The following RAD51B variants were observed in gnomAD, a reference collection of about 807,000 sequenced individuals.
RAD51B encodes the protein RAD51 paralog B.
Under a neutral mutation model 42.2 loss-of-function variants are expected in RAD51B, and 38 were observed. The ratio of observed to expected loss-of-function variants is 0.90; its 90% CI spans 0.70 to 1.18. RAD51B has a LOEUF of 1.18. Among genes scored for constraint, RAD51B ranks in the 50% most tolerant of loss-of-function variants. The pLI is 0.00. For missense variants in RAD51B, 373 were observed against 400.7 expected (o/e 0.93, Z 0.59); for synonymous variants, 154 against 145.2 (o/e 1.06, Z -0.43).
At chr14:67,875,193 C>G (rs886781462) in intron 5 of RAD51B, among the ~76,000 whole-genome samples, 1 of 152,054 alleles carries the variant, frequency 6.6e-6, no homozygotes, top group African/African-American at 2.4e-5. Context: ...ATTGGGAAGA[C>G]AATTAGTCCA....
At chr14:68,014,322 T>A (rs969451664) in intron 7 of RAD51B, among the ~76,000 whole-genome samples, 5 of 152,070 alleles carry the variant, frequency 3.3e-5, no homozygotes, top group African/African-American at 9.7e-5. Context: ...TATCAGTCTC[T>A]GAGCAAGTTG....
intron 8 of RAD51B, among the ~76,000 whole-genome samples, chr14:68,314,621 T>G (rs1349819616): frequency 6.6e-6 from 1 of 152,188 alleles, no homozygotes; most frequent in African/African-American, 2.4e-5. Flanking sequence ...ATGGTGCCAC[T>G]TCATTTCACA....
At position 67,848,140 on chromosome 14, in the gene RAD51B, C is replaced by T. The variant is rs147755014; in HGVS notation, c.315+12944C>T. On this transcript the variant is annotated intron_variant, in intron 4 of 10. Coordinates refer to ENST00000471583, the MANE Select transcript of RAD51B (RefSeq NM_133510.4). ...TCAAGTGATTCTTCTGCCTCAGCCT[C>T]CCGAGTAGCTGGGATTACAGGCACG... 6.3e-3 allele frequency among the ~76,000 whole-genome samples: 955 copies of T among 152,314 alleles called. 10 individuals carry two copies. The highest frequency in any genetic ancestry group is 0.022 in the African/African-American group (904 of 41,562).
chr14:67,951,424 T>C (rs2074444229), intron 7 of RAD51B, among the ~76,000 whole-genome samples: 1 of 152,210 alleles, frequency 6.6e-6, no homozygotes, highest in South Asian at 2.1e-4. Context: ...CATTAAATGG[T>C]TTATTAACCA....
chr14:68,391,134 T>TTTTCTTTC (rs1388376049), intron 8 of RAD51B, among the ~76,000 whole-genome samples: 4 of 109,080 alleles, frequency 3.7e-5, no homozygotes, highest in African/African-American at 1.2e-4. Flanking sequence ...TTTATGAGAC[T>TTTTCTTTC]TGTCTTTCTT....
intron 8 of RAD51B, among the ~76,000 whole-genome samples, chr14:68,325,097 A>C (rs1318561409): frequency 1.3e-5 from 2 of 152,172 alleles, no homozygotes; most frequent in Admixed American, 1.3e-4. Context: ...ACCTGGGTCT[A>C]ATGCTGCCTC....
At chr14:68,233,784 G>A (rs761793320) in intron 7 of RAD51B, among the ~76,000 whole-genome samples, 3 of 152,178 alleles carry the variant, frequency 2.0e-5, no homozygotes, top group Non-Finnish European at 4.4e-5. Flanking sequence ...ATGTGGAAAT[G>A]CAAAGAGGTG....
At chr14:68,364,033 G>T (rs1176912313) in intron 8 of RAD51B, among the ~76,000 whole-genome samples, 1 of 152,228 alleles carries the variant, frequency 6.6e-6, no homozygotes, top group African/African-American at 2.4e-5. Flanking sequence ...CTCCAGTGCG[G>T]GGAGTGTGTG....
At chr14:68,483,815 A>C (rs1025141854) in intron 10 of RAD51B, among the ~76,000 whole-genome samples, 2 of 152,222 alleles carry the variant, frequency 1.3e-5, no homozygotes, top group Non-Finnish European at 2.9e-5. Flanking sequence ...AAAGCTGAGG[A>C]CATAAGAGAT....
intron 8 of RAD51B, among the ~76,000 whole-genome samples, chr14:68,342,519 G>A (rs2082591832): frequency 6.6e-6 from 1 of 152,066 alleles, no homozygotes; most frequent in Non-Finnish European, 1.5e-5. Context: ...ACCCAGTTTT[G>A]GGGAAGCTCA....
chr14:68,132,387 A>G (rs1486339312), intron 7 of RAD51B, among the ~76,000 whole-genome samples: 1 of 152,220 alleles, frequency 6.6e-6, no homozygotes, highest in Non-Finnish European at 1.5e-5. Context: ...GAGCCTTGGT[A>G]AGGATGTAAG....
intron 2 of RAD51B, 107 bp from the exon 3 acceptor site, chr14:67,825,357 A>G (rs771814575): frequency 1.5e-5 from 10 of 667,006 alleles, no homozygotes; most frequent in Non-Finnish European, 2.5e-5. Context: ...GATCTGCGAT[A>G]AATTATACTT....
chr14:67,830,192 G>A (rs2040985814), intron 3 of RAD51B, among the ~76,000 whole-genome samples: 2 of 152,096 alleles, frequency 1.3e-5, no homozygotes, highest in African/African-American at 4.8e-5. Context: ...TATTCCAAGA[G>A]CAATGGAAAC....
intron 7 of RAD51B, among the ~76,000 whole-genome samples, chr14:67,990,139 A>G (rs912228975): frequency 6.6e-6 from 1 of 151,956 alleles, no homozygotes; most frequent in Admixed American, 6.6e-5. Context: ...CTGGGACTAC[A>G]GGTGCACGCC....
intron 9 of RAD51B, among the ~76,000 whole-genome samples, chr14:68,424,737 G>A (rs2084791539): frequency 6.6e-6 from 1 of 152,122 alleles, no homozygotes; most frequent in South Asian, 2.1e-4. Context: ...TGATCCCTTT[G>A]ACTTGAGGAG....
intron 7 of RAD51B, among the ~76,000 whole-genome samples, chr14:68,146,083 A>G (rs2078243187): frequency 6.6e-6 from 1 of 152,146 alleles, no homozygotes; most frequent in Non-Finnish European, 1.5e-5. Context: ...ACATTATTTA[A>G]CTAGTAGTGT....
chr14:68,371,124 G>T (rs894660261), intron 8 of RAD51B, among the ~76,000 whole-genome samples: 8 of 151,384 alleles, frequency 5.3e-5, no homozygotes, highest in African/African-American at 1.9e-4. Context: ...AACTGAGAAT[G>T]GTGTCATTTT....
At chr14:68,421,033 A>G (rs1396251672) in intron 9 of RAD51B, among the ~76,000 whole-genome samples, 2 of 152,158 alleles carry the variant, frequency 1.3e-5, no homozygotes, top group Non-Finnish European at 2.9e-5. Flanking sequence ...CATTTGGTTT[A>G]CCTGTAAAAC....
At chr14:67,875,437 T>C (rs1269326553) in intron 5 of RAD51B, among the ~76,000 whole-genome samples, 1 of 152,160 alleles carries the variant, frequency 6.6e-6, no homozygotes, top group Non-Finnish European at 1.5e-5. Flanking sequence ...CATAACAACA[T>C]TTCAGTCGAG....
Sources: gnomAD v4.1 joint callset for allele counts (sites outside exome capture counted in the v4.1 genomes callset) on GRCh38, gnomAD v4.1.1 for gene constraint, MANE v1.5 for transcripts, NCBI Gene and HGNC (gene_info 2026-07-23, HGNC 2026-07-21) for gene names.